Variants in NSUN6 observed in about 807,000 individuals in gnomAD.
NSUN6 encodes NOP2/Sun RNA methyltransferase 6.
In NSUN6, 64 loss-of-function variants were observed where a neutral mutation model predicts 58.0. That is an observed-to-expected ratio of 1.10 (90% CI 0.90 to 1.36). NSUN6 has a LOEUF of 1.36. NSUN6 is among the 40% of genes most tolerant of loss of function. The pLI, the probability that NSUN6 is intolerant of heterozygous loss-of-function variation, is 0.00. For missense variants in NSUN6, 701 were observed against 550.1 expected (o/e 1.27, Z -2.74); for synonymous variants, 231 against 193.9 (o/e 1.19, Z -1.59).
chr10:18,581,965 A>C (rs2056922756), intron 8 of NSUN6, among the ~76,000 whole-genome samples: 1 of 152,298 alleles, frequency 6.6e-6, no homozygotes, highest in African/African-American at 2.4e-5. Context: ...AGGAGATCCA[A>C]GAACCCTCTC....
At position 18,614,582 on chromosome 10, in the gene NSUN6, G is replaced by T; in HGVS notation, c.453C>A (p.Tyr151Ter). The change falls in exon 5 of 11, where the codon TAC (tyrosine) becomes TAA (stop). Residue 151 changes from tyrosine (Y) to a stop codon, truncating the protein, a stop_gained. Coordinates refer to ENST00000377304, the MANE Select transcript of NSUN6 (RefSeq NM_182543.5). LOFTEE classifies it high-confidence loss of function. ...FMKAGDVISV[Y>*]SDIKGKCKKG... ...TCTTACATTTTCCTTTAATATCAGA[G>T]TATACAGAAATAACATCTCCAGCTT... 1.4e-6 allele frequency: 2 copies of T among 1,478,312 alleles called. No homozygotes were observed. Among genetic ancestry groups the T allele is most frequent in the Non-Finnish European group, 1.8e-6 (2 of 1,091,608 alleles). 91.6% of individuals were successfully genotyped at this position (1,478,312 alleles called of 1,614,324 possible).
chr10:18,560,504 T>G (rs1334525063), intron 8 of NSUN6, among the ~76,000 whole-genome samples: 2 of 148,610 alleles, frequency 1.3e-5, no homozygotes, highest in African/African-American at 5.0e-5. Context: ...GAGAAAGGAA[T>G]AGAAAATGGA....
intron 8 of NSUN6, among the ~76,000 whole-genome samples, chr10:18,565,327 T>C (rs2055845226): frequency 6.6e-6 from 1 of 151,184 alleles, no homozygotes. Flanking sequence ...CCATTCTCCA[T>C]TCCATTCCCT....
intron 3 of NSUN6, among the ~76,000 whole-genome samples, chr10:18,636,440 C>A (rs1208617920): frequency 6.6e-6 from 1 of 151,114 alleles, no homozygotes; most frequent in Non-Finnish European, 1.5e-5. Flanking sequence ...GAGGGTGGAT[C>A]ACTTGAGCTC....
chr10:18,620,562 T>G (rs1333196279), intron 3 of NSUN6, among the ~76,000 whole-genome samples: 5 of 152,230 alleles, frequency 3.3e-5, no homozygotes. Context: ...CAATGTTTCA[T>G]GCATTCATGT....
chr10:18,586,180 G>GA, intron 7 of NSUN6, 87 bp from the exon 8 acceptor site: 1 of 1,074,958 alleles, frequency 9.3e-7, no homozygotes, highest in Non-Finnish European at 1.3e-6. Flanking sequence ...AGAAAAACAT[G>GA]AAAAATTATG....
At chr10:18,562,940 T>C (rs569014174) in intron 8 of NSUN6, among the ~76,000 whole-genome samples, 3 of 147,728 alleles carry the variant, frequency 2.0e-5, no homozygotes, top group East Asian at 4.1e-4. Flanking sequence ...TGGAATGGAA[T>C]GGAGAATGGA....
intron 3 of NSUN6, among the ~76,000 whole-genome samples, chr10:18,631,414 C>A (rs375851851): frequency 0.14 from 19,178 of 140,352 alleles, 1,411 homozygotes; most frequent in Middle Eastern, 0.24. Context: ...GGCAATTAGG[C>A]AGGAGAAGGA....
At chr10:18,607,325 A>C (rs1418698727) in intron 6 of NSUN6, among the ~76,000 whole-genome samples, 1 of 152,206 alleles carries the variant, frequency 6.6e-6, no homozygotes, top group African/African-American at 2.4e-5. Context: ...TTCAAGGATA[A>C]TTATCAATTT....
intron 3 of NSUN6, among the ~76,000 whole-genome samples, chr10:18,617,758 G>A (rs1432408613): frequency 6.6e-6 from 1 of 152,120 alleles, no homozygotes; most frequent in Non-Finnish European, 1.5e-5. Context: ...TAGTGCAACA[G>A]TGTTGGAATA....
At chr10:18,630,228 C>T (rs2058978824) in intron 3 of NSUN6, among the ~76,000 whole-genome samples, 1 of 148,070 alleles carries the variant, frequency 6.8e-6, no homozygotes, top group Non-Finnish European at 1.5e-5. Flanking sequence ...CACAACATAC[C>T]AGAATCTCTG....
chr10:18,614,741 A>T (rs2058352096), intron 4 of NSUN6, 128 bp from the exon 5 acceptor site: 1 of 398,056 alleles, frequency 2.5e-6, no homozygotes, highest in African/African-American at 2.1e-5. Context: ...AAACTTGCTC[A>T]TTACCTCAAT....
At chr10:18,578,895 C>T (rs1363880449) in intron 8 of NSUN6, among the ~76,000 whole-genome samples, 2 of 152,182 alleles carry the variant, frequency 1.3e-5, no homozygotes, top group Non-Finnish European at 2.9e-5. Context: ...TAGGACACAT[C>T]TGTAAATGGT....
intron 6 of NSUN6, 33 bp downstream of exon 6, chr10:18,609,812 G>T: frequency 8.9e-7 from 1 of 1,118,962 alleles, no homozygotes; most frequent in Non-Finnish European, 1.4e-6. Context: ...ATGTTTCAAT[G>T]TCACTAAATA....
At position 18,546,098 on chromosome 10, in the gene NSUN6, A is replaced by T; in HGVS notation, c.1245T>A (p.Cys415Ter). The part of the protein sequence containing the change: ...GEGMRGAGLS[C>*]EQLKQLQRFD... ...ATCGCTGCAGCTGTTTCAACTGTTC[A>T]CATGAGAGCCCAGCTCCCCTCATTC... The change falls in exon 11 of 11, where the codon TGT becomes TGA. Residue 415 changes from cysteine (C) to a stop codon, truncating the protein, a stop_gained. Coordinates refer to ENST00000377304, the MANE Select transcript of NSUN6 (RefSeq NM_182543.5). LOFTEE classifies it high-confidence loss of function. 6.2e-7 allele frequency: 1 copy of T among 1,612,730 alleles called. No homozygotes were observed. The highest frequency in any genetic ancestry group is 2.2e-5 in the East Asian group (1 of 44,872).
At chr10:18,553,086 T>G (rs2054713711) in intron 8 of NSUN6, among the ~76,000 whole-genome samples, 1 of 151,244 alleles carries the variant, frequency 6.6e-6, no homozygotes, top group African/African-American at 2.4e-5. Flanking sequence ...AATTCCATCT[T>G]CAGTTCGATT....
intron 3 of NSUN6, among the ~76,000 whole-genome samples, chr10:18,638,836 G>A (rs753525441): frequency 4.9e-4 from 73 of 149,778 alleles, no homozygotes; most frequent in Non-Finnish European, 8.6e-4. Context: ...CACCAACAAC[G>A]ACATTAATAA....
At chr10:18,578,918 G>A (rs1252982239) in intron 8 of NSUN6, among the ~76,000 whole-genome samples, 1 of 151,970 alleles carries the variant, frequency 6.6e-6, no homozygotes, top group Admixed American at 6.5e-5. Flanking sequence ...ACCTGTCAAC[G>A]GTAATGGTAA....
intron 3 of NSUN6, among the ~76,000 whole-genome samples, chr10:18,616,984 T>A (rs563047523): frequency 1.1e-4 from 17 of 152,142 alleles, no homozygotes; most frequent in South Asian, 6.2e-4. Flanking sequence ...ATCTTACTAA[T>A]TTTTCAGCTT....
Sources: allele counts gnomAD v4.1 joint callset (sites outside exome capture counted in the v4.1 genomes callset), GRCh38; gene constraint gnomAD v4.1.1; transcripts MANE v1.5; gene names NCBI Gene and HGNC (gene_info 2026-07-23, HGNC 2026-07-21).